Variants in FRMD4A observed in about 807,000 individuals in gnomAD.
The protein encoded by FRMD4A is FERM domain containing 4A, also known as FERM domain-containing protein 4A.
A neutral mutation model predicts 129.1 loss-of-function variants in FRMD4A; 29 were observed. The observed-to-expected ratio is 0.22, with a 90% confidence interval of 0.17 to 0.31. The LOEUF (loss-of-function observed/expected upper bound fraction) is 0.31, where lower values mean the gene tolerates loss of function less well. Ranked by LOEUF, FRMD4A falls within the 10% of genes least tolerant of loss-of-function variation. The pLI is 1.00. For synonymous variants in FRMD4A, 634 were observed against 571.6 expected (o/e 1.11, Z -1.56); for missense variants, 1,272 against 1,375.8 (o/e 0.92, Z 1.19).
At chr10:14,142,856 C>CA (rs1839904023) in intron 2 of FRMD4A, among the ~76,000 whole-genome samples, 1 of 152,118 alleles carries the variant, frequency 6.6e-6, no homozygotes. Context: ...AGACATTTCT[C>CA]CAAAGAAGAA....
intron 2 of FRMD4A, among the ~76,000 whole-genome samples, chr10:14,029,258 G>T (rs929600325): frequency 1.3e-5 from 2 of 151,850 alleles, no homozygotes. Flanking sequence ...AGTCTCGGTG[G>T]TGGGGTGGGA....
At position 13,981,802 on chromosome 10, in the gene FRMD4A, C is replaced by T. The variant is rs185713098; in HGVS notation, c.46-122890G>A. On this transcript the variant is annotated intron_variant, in intron 2 of 24. Transcript: ENST00000357447. ...AGCAGGCTGGAGACTGCTCCATCTCCCTGTGACTGCAATTTTCTGTTCTTC... is the reference window on the plus strand; with the variant it reads ...AGCAGGCTGGAGACTGCTCCATCTCTCTGTGACTGCAATTTTCTGTTCTTC... Among the ~76,000 whole-genome samples the T allele has an allele frequency of 3.3e-3, 497 of 150,490 alleles. 1 individual carries two copies. Among genetic ancestry groups the T allele is most frequent in the Non-Finnish European group, 5.6e-3 (377 of 67,856 alleles).
intron 14 of FRMD4A, among the ~76,000 whole-genome samples, chr10:13,699,052 A>ATT (rs1481334058): frequency 8.9e-6 from 1 of 112,532 alleles, no homozygotes; most frequent in African/African-American, 3.2e-5. Flanking sequence ...ATCTACAATA[A>ATT]TCTTTTTTTT....
chr10:14,185,779 C>T (rs6602711), intron 2 of FRMD4A, among the ~76,000 whole-genome samples: 2 of 151,710 alleles, frequency 1.3e-5, no homozygotes, highest in African/African-American at 4.8e-5. Flanking sequence ...GCAACAGATA[C>T]GTACAATCCA....
intron 2 of FRMD4A, among the ~76,000 whole-genome samples, chr10:14,193,205 A>G (rs1842369747): frequency 6.6e-6 from 1 of 152,230 alleles, no homozygotes; most frequent in African/African-American, 2.4e-5. Flanking sequence ...AATGAACAGT[A>G]CTTTACCTTG....
chr10:14,188,426 G>C (rs1447473780), intron 2 of FRMD4A, among the ~76,000 whole-genome samples: 2 of 152,116 alleles, frequency 1.3e-5, no homozygotes, highest in African/African-American at 4.8e-5. Context: ...TTAGAATCAT[G>C]TGCCGTCTCC....
chr10:13,652,100 G>A (rs945422107), intron 23 of FRMD4A, 126 bp from the exon 24 acceptor site: 1 of 706,476 alleles, frequency 1.4e-6, no homozygotes, highest in Non-Finnish European at 2.6e-6. Flanking sequence ...AGACACCTGA[G>A]TTAGCAACAG....
chr10:13,685,292 T>C, intron 15 of FRMD4A: 1 of 985,406 alleles, frequency 1.0e-6, no homozygotes, highest in Non-Finnish European at 1.2e-6. Context: ...TGGAAGAGCT[T>C]TGCTTTCTGG....
At chr10:13,917,990 T>C (rs151209042) in intron 2 of FRMD4A, among the ~76,000 whole-genome samples, 1 of 152,332 alleles carries the variant, frequency 6.6e-6, no homozygotes, top group East Asian at 1.9e-4. Flanking sequence ...CAAAAAGTGA[T>C]CACTATTACC....
At chr10:13,959,100 C>G (rs1352782976) in intron 2 of FRMD4A, among the ~76,000 whole-genome samples, 4 of 152,138 alleles carry the variant, frequency 2.6e-5, no homozygotes, top group Non-Finnish European at 5.9e-5. Context: ...TGGGCACTTG[C>G]AAGTATGAGA....
At chr10:14,240,803 T>C (rs951724915) in intron 2 of FRMD4A, among the ~76,000 whole-genome samples, 1 of 152,052 alleles carries the variant, frequency 6.6e-6, no homozygotes, top group Admixed American at 6.6e-5. Context: ...ACCTTAACTT[T>C]AAAATGGTTT....
intron 2 of FRMD4A, among the ~76,000 whole-genome samples, chr10:14,120,243 C>CT (rs200596396): frequency 1.5e-4 from 22 of 149,646 alleles, no homozygotes; most frequent in East Asian, 7.8e-4. Context: ...ACGTACACTG[C>CT]TTTTTTTTTT....
At chr10:13,986,824 C>G (rs940216879) in intron 2 of FRMD4A, among the ~76,000 whole-genome samples, 1 of 151,696 alleles carries the variant, frequency 6.6e-6, no homozygotes, top group Non-Finnish European at 1.5e-5. Context: ...AGGAGAAGAA[C>G]CACTGCTGTA....
chr10:13,733,863 C>A (rs1166895959), intron 12 of FRMD4A, among the ~76,000 whole-genome samples: 1 of 152,202 alleles, frequency 6.6e-6, no homozygotes, highest in African/African-American at 2.4e-5. Context: ...GGGAAATGAA[C>A]TCTTCACTCC....
intron 5 of FRMD4A, among the ~76,000 whole-genome samples, chr10:13,785,776 C>T (rs2092841222): frequency 6.6e-6 from 1 of 151,852 alleles, no homozygotes; most frequent in Admixed American, 6.6e-5. Context: ...CCCCCTACCC[C>T]CCACCCCACG....
chr10:13,987,713 G>A (rs777162727), intron 2 of FRMD4A, among the ~76,000 whole-genome samples: 1 of 152,150 alleles, frequency 6.6e-6, no homozygotes, highest in South Asian at 2.1e-4. Context: ...GGAAACTGCA[G>A]GGGACACACT....
chr10:14,286,774 C>G (rs977180778), intron 2 of FRMD4A, among the ~76,000 whole-genome samples: 11 of 152,034 alleles, frequency 7.2e-5, no homozygotes, highest in East Asian at 3.9e-4. Flanking sequence ...AACAAATCCA[C>G]CCTTCAAAAA....
chr10:13,894,022 T>C (rs2094730342), intron 2 of FRMD4A, among the ~76,000 whole-genome samples: 1 of 152,108 alleles, frequency 6.6e-6, no homozygotes, highest in Non-Finnish European at 1.5e-5. Context: ...GAAACAGGGA[T>C]AGAGAGCTCA....
intron 2 of FRMD4A, among the ~76,000 whole-genome samples, chr10:14,109,211 G>GAAAAAAAAAAAAAAAA (rs34937254): frequency 8.7e-6 from 1 of 114,288 alleles, no homozygotes; most frequent in Non-Finnish European, 1.9e-5. Flanking sequence ...AAGCATCTCA[G>GAAAAAAAAAAAAAAAA]AAAAAAAAAA....
Sources: allele counts gnomAD v4.1 joint callset (sites outside exome capture counted in the v4.1 genomes callset), GRCh38; gene constraint gnomAD v4.1.1; transcripts MANE v1.5; gene names NCBI Gene and HGNC (gene_info 2026-07-23, HGNC 2026-07-21).